LDLRAD3: variants seen among roughly 807,000 people sequenced by gnomAD.
LDLRAD3 encodes low density lipoprotein receptor class A domain containing 3, also known as low-density lipoprotein receptor class A domain-containing protein 3.
A neutral mutation model predicts 29.4 loss-of-function variants in LDLRAD3; 20 were observed. The observed-to-expected ratio is 0.68, with a 90% CI of 0.48 to 0.99. The LOEUF (loss-of-function observed/expected upper bound fraction) is 0.99, where lower values mean the gene tolerates loss of function less well. Ranked by LOEUF, LDLRAD3 falls within the 50% of genes least tolerant of loss-of-function variation. The pLI, the probability that LDLRAD3 is intolerant of heterozygous loss-of-function variation, is 0.00. For synonymous variants in LDLRAD3, 157 were observed against 192.7 expected, an observed-to-expected ratio of 0.81 and a Z score of 1.53; for missense variants, 420 against 454.3, an observed-to-expected ratio of 0.92 and a Z score of 0.69.
chr11:36,074,633 C>CTA lies in LDLRAD3; in HGVS notation c.194-7020_194-7019insTA, dbSNP rs528494185. Among the ~76,000 whole-genome samples, 587 of 152,276 alleles carry CTA rather than the reference C, an allele frequency of 3.9e-3. 7 individuals carry two copies. The highest frequency in any genetic ancestry group is 0.013 in the African/African-American group (554 of 41,548). On this transcript the variant is annotated intron_variant, in intron 2 of 5. Transcript: ENST00000315571. ...TTCTAACGTAATGGGAAGGCAGTGA[C>CTA]GTTCTTACTAGAGGAGTGATGTGCT...
At chr11:36,140,487 G>T (rs1854065452) in intron 4 of LDLRAD3, among the ~76,000 whole-genome samples, 1 of 152,146 alleles carries the variant, frequency 6.6e-6, no homozygotes, top group Non-Finnish European at 1.5e-5. Context: ...AGGGTGTAGT[G>T]GCACTATCAC....
intron 3 of LDLRAD3, among the ~76,000 whole-genome samples, chr11:36,091,982 A>AG (rs1034654402): frequency 6.6e-6 from 1 of 152,186 alleles, no homozygotes; most frequent in African/African-American, 2.4e-5. Flanking sequence ...ATAGCTGCAG[A>AG]GGGTCTGGAA....
chr11:36,159,161 T>C (rs1188644870), intron 4 of LDLRAD3, among the ~76,000 whole-genome samples: 1 of 152,274 alleles, frequency 6.6e-6, no homozygotes, highest in East Asian at 1.9e-4. Flanking sequence ...TGATACATGT[T>C]GACAATTCCA....
At chr11:36,117,892 G>A (rs1033426085) in intron 4 of LDLRAD3, among the ~76,000 whole-genome samples, 1 of 152,226 alleles carries the variant, frequency 6.6e-6, no homozygotes, top group Non-Finnish European at 1.5e-5. Context: ...TGTAATCAGG[G>A]CTCTATGGGG....
intron 1 of LDLRAD3, among the ~76,000 whole-genome samples, chr11:35,959,169 A>G (rs1477900672): frequency 2.0e-5 from 3 of 152,180 alleles, no homozygotes; most frequent in African/African-American, 7.2e-5. Context: ...GCGCAGCCGT[A>G]TGGATTGTGT....
chr11:35,980,328 G>A (rs942710766), intron 1 of LDLRAD3, among the ~76,000 whole-genome samples: 2 of 152,136 alleles, frequency 1.3e-5, no homozygotes, highest in Admixed American at 6.6e-5. Flanking sequence ...GCTTTATTGG[G>A]ATGGGCGTTA....
At chr11:36,194,195 G>A (rs1481331774) in intron 4 of LDLRAD3, among the ~76,000 whole-genome samples, 1 of 152,118 alleles carries the variant, frequency 6.6e-6, no homozygotes, top group East Asian at 1.9e-4. Context: ...GTTGGTATAT[G>A]CTAGGTGGTG....
chr11:36,028,816 C>T (rs527506667), intron 1 of LDLRAD3, among the ~76,000 whole-genome samples: 6 of 152,270 alleles, frequency 3.9e-5, no homozygotes, highest in Non-Finnish European at 8.8e-5. Context: ...CCTACACTGC[C>T]TGAAATATTT....
chr11:36,138,864 G>A (rs1013820459), intron 4 of LDLRAD3, among the ~76,000 whole-genome samples: 2 of 152,224 alleles, frequency 1.3e-5, no homozygotes, highest in African/African-American at 4.8e-5. Flanking sequence ...TGTGCAGAGA[G>A]CACAGTAATA....
intron 4 of LDLRAD3, among the ~76,000 whole-genome samples, chr11:36,168,182 A>G (rs992329731): frequency 2.0e-5 from 3 of 152,336 alleles, no homozygotes; most frequent in South Asian, 4.1e-4. Context: ...GCTGTCTGCC[A>G]TAAGTAATGT....
intron 2 of LDLRAD3, among the ~76,000 whole-genome samples, chr11:36,051,215 G>T (rs1247315082): frequency 6.6e-6 from 1 of 152,212 alleles, no homozygotes; most frequent in Admixed American, 6.5e-5. Flanking sequence ...TGATTCCTAT[G>T]GCTGGTGGGA....
At chr11:36,131,611 A>G (rs547038132) in intron 4 of LDLRAD3, among the ~76,000 whole-genome samples, 1 of 152,356 alleles carries the variant, frequency 6.6e-6, no homozygotes, top group South Asian at 2.1e-4. Context: ...TGAAATATAC[A>G]TAACAGAAAA....
At chr11:36,226,966 C>A in intron 4 of LDLRAD3, 119 bp from the exon 5 acceptor site, 1 of 778,972 alleles carries the variant, frequency 1.3e-6, no homozygotes, top group Non-Finnish European at 2.1e-6. Flanking sequence ...CACTTTTTGG[C>A]TATTGTGAAT....
intron 1 of LDLRAD3, chr11:35,968,329 T>G: frequency 2.8e-6 from 1 of 362,200 alleles, no homozygotes; most frequent in African/African-American, 2.1e-5. Context: ...GAAGGAGGCT[T>G]TGCTGTTGGA....
chr11:36,166,085 T>C (rs897095543), intron 4 of LDLRAD3, among the ~76,000 whole-genome samples: 1 of 151,862 alleles, frequency 6.6e-6, no homozygotes, highest in Non-Finnish European at 1.5e-5. Flanking sequence ...ATTGACTGGC[T>C]AATCTATGTG....
chr11:35,983,638 T>C (rs1284268072), intron 1 of LDLRAD3, among the ~76,000 whole-genome samples: 2 of 152,172 alleles, frequency 1.3e-5, no homozygotes, highest in African/African-American at 4.8e-5. Context: ...TTTATTTATT[T>C]ATTTGTTTTT....
chr11:35,987,750 A>G (rs1055195686), intron 1 of LDLRAD3, among the ~76,000 whole-genome samples: 1 of 152,136 alleles, frequency 6.6e-6, no homozygotes, highest in African/African-American at 2.4e-5. Flanking sequence ...TTTTGGTGGA[A>G]TGATCTATTT....
intron 4 of LDLRAD3, among the ~76,000 whole-genome samples, chr11:36,187,253 TA>T (rs1485776642): frequency 1.3e-5 from 2 of 152,156 alleles, no homozygotes; most frequent in Non-Finnish European, 2.9e-5. Flanking sequence ...TAGAACTATA[TA>T]AAGTAAAAAG....
At chr11:35,990,166 G>C (rs1336865954) in intron 1 of LDLRAD3, among the ~76,000 whole-genome samples, 1 of 152,148 alleles carries the variant, frequency 6.6e-6, no homozygotes, top group Non-Finnish European at 1.5e-5. Context: ...GTTGCCGTAA[G>C]GATTTTATTT....
Sources: gnomAD v4.1 joint callset for allele counts (sites outside exome capture counted in the v4.1 genomes callset) on GRCh38, gnomAD v4.1.1 for gene constraint, MANE v1.5 for transcripts, NCBI Gene and HGNC (gene_info 2026-07-23, HGNC 2026-07-21) for gene names.